The following ARHGAP8 variants were observed in gnomAD, a reference collection of about 807,000 sequenced individuals.
ARHGAP8 encodes rho GTPase-activating protein 8.
Under a neutral mutation model 46.1 loss-of-function variants are expected in ARHGAP8, and 62 were observed. The ratio of observed to expected loss-of-function variants is 1.34; its 90% confidence interval spans 1.10 to 1.66. ARHGAP8 has a LOEUF of 1.66. Among genes scored for constraint, ARHGAP8 ranks in the 40% most tolerant of loss-of-function variants. The pLI, the probability that ARHGAP8 is intolerant of heterozygous loss-of-function variation, is 0.00. For synonymous variants in ARHGAP8, 375 were observed against 243.1 expected (o/e 1.54, Z -5.05); for missense variants, 923 against 568.4 (o/e 1.62, Z -6.34).
In ARHGAP8 at chr22:44,822,363, T is replaced by A. The variant is rs1249215577; in HGVS notation, c.387-8T>A. 1 of 1,580,512 alleles carries A rather than the reference T, an allele frequency of 6.3e-7. No homozygotes were observed. The highest frequency in any genetic ancestry group is 1.9e-5 in the Admixed American group (1 of 52,802). ...TCGTTCTTTATTCTCTTGCTTCTGC[T>A]TTCTTAGTCACAAGTTTGGGAAGAA... On this transcript the variant is annotated splice_polypyrimidine_tract_variant and splice_region_variant and intron_variant, in intron 5 of 11. Coordinates refer to ENST00000356099, the MANE Select transcript of ARHGAP8 (RefSeq NM_181335.3).
chr22:44,776,584 C>T (rs1926439221), intron 1 of ARHGAP8, among the ~76,000 whole-genome samples: 2 of 152,114 alleles, frequency 1.3e-5, no homozygotes, highest in African/African-American at 4.8e-5. Context: ...TCATAAAACG[C>T]TGTCTTCTTA....
chr22:44,841,614 G>C (rs1195091933), intron 7 of ARHGAP8, among the ~76,000 whole-genome samples: 1 of 152,206 alleles, frequency 6.6e-6, no homozygotes, highest in African/African-American at 2.4e-5. Flanking sequence ...CAGTCTCACT[G>C]GGCTGCAACA....
At chr22:44,806,483 G>T (rs1928928295) in intron 3 of ARHGAP8, among the ~76,000 whole-genome samples, 1 of 152,182 alleles carries the variant, frequency 6.6e-6, no homozygotes, top group African/African-American at 2.4e-5. Context: ...AGGCCACTTG[G>T]TTCAAAGCCC....
At chr22:44,817,639 A>C (rs879573837) in intron 5 of ARHGAP8, among the ~76,000 whole-genome samples, 1 of 152,126 alleles carries the variant, frequency 6.6e-6, no homozygotes, top group Non-Finnish European at 1.5e-5. Flanking sequence ...CCCCGTCTCT[A>C]CTAAAAACAC....
At chr22:44,855,733 G>A (rs2070203911) in intron 10 of ARHGAP8, among the ~76,000 whole-genome samples, 1 of 152,132 alleles carries the variant, frequency 6.6e-6, no homozygotes, top group East Asian at 1.9e-4. Flanking sequence ...AGTCCCCCAG[G>A]ATCCAAAGTT....
intron 7 of ARHGAP8, among the ~76,000 whole-genome samples, chr22:44,839,103 T>C (rs1931479546): frequency 6.6e-6 from 1 of 152,020 alleles, no homozygotes; most frequent in Admixed American, 6.5e-5. Flanking sequence ...CCTGTAACTT[T>C]GGCACATCCT....
At chr22:44,848,160 C>G (rs901336912) in intron 9 of ARHGAP8, 110 bp downstream of exon 9, 1 of 1,448,296 alleles carries the variant, frequency 6.9e-7, no homozygotes. Context: ...CCACCCAACT[C>G]CCAGAAAACA....
rs118069204 is a variant in ARHGAP8, at chr22:44,856,137, C to T, written c.878-3594C>T. ...AATCTGTCCCCATGATTTAATCACC[C>T]GTCACCCATCCCCACCTCCCACATT... is the stretch of plus-strand genomic sequence containing the variant. On this transcript the variant is annotated intron_variant, in intron 10 of 11. Coordinates refer to ENST00000356099, the MANE Select transcript of ARHGAP8 (RefSeq NM_181335.3). Among the ~76,000 whole-genome samples the T allele has an allele frequency of 3.5e-3, 537 of 152,176 alleles. 3 individuals carry two copies. Among genetic ancestry groups the T allele is most frequent in the Non-Finnish European group, 3.9e-3 (268 of 68,016 alleles).
intron 1 of ARHGAP8, among the ~76,000 whole-genome samples, chr22:44,769,876 G>C (rs1461826750): frequency 1.3e-5 from 2 of 152,186 alleles, no homozygotes; most frequent in Non-Finnish European, 2.9e-5. Flanking sequence ...TCAGAGGCTA[G>C]GGTTTCTCAA....
intron 5 of ARHGAP8, among the ~76,000 whole-genome samples, chr22:44,821,639 C>G (rs778730596): frequency 8.5e-5 from 13 of 152,322 alleles, no homozygotes; most frequent in Middle Eastern, 6.8e-3. Flanking sequence ...TTACTAATAG[C>G]AGTCGTCACA....
At position 44,813,334 on chromosome 22, in the gene ARHGAP8, C is replaced by A. The variant is rs537254101; in HGVS notation, c.300-1338C>A. On this transcript the variant is annotated intron_variant, in intron 4 of 11. Coordinates refer to ENST00000356099, the MANE Select transcript of ARHGAP8 (RefSeq NM_181335.3). ...ACACCTGCATACACATACATACAGA[C>A]ACCTACATATACATACACTTACACA... is the stretch of plus-strand genomic sequence containing the variant. Among the ~76,000 whole-genome samples, 3 of 151,588 alleles carry A rather than the reference C, an allele frequency of 2.0e-5. No individual in the cohort carries two copies. In the South Asian group the frequency reaches 6.3e-4, roughly 32 times the overall value.
At chr22:44,828,908 C>T (rs904145738) in intron 7 of ARHGAP8, among the ~76,000 whole-genome samples, 1 of 151,950 alleles carries the variant, frequency 6.6e-6, no homozygotes, top group Non-Finnish European at 1.5e-5. Flanking sequence ...ATTCCAGCCA[C>T]GCCTTTCTCG....
rs1428277728 is a variant in ARHGAP8 at position 44,799,029 on chromosome 22, GGGGCTGCACCCTGCTC to G, written c.80-3047_80-3032del. 2.0e-5 allele frequency among the ~76,000 whole-genome samples: 3 copies of G among 152,204 alleles called. No homozygotes were observed. The East Asian group carries it at 5.8e-4, about 29-fold the overall frequency. The stretch of plus-strand genomic sequence containing the variant: ...GAGGGAGCAGAAAGTGCTGGGAGGA[GGGGCTGCACCCTGCTC>G]CAGGCTTCCCATCCCCAGCCCCCAC... On this transcript the variant is annotated intron_variant, in intron 2 of 11. Transcript: ENST00000356099.
intron 1 of ARHGAP8, among the ~76,000 whole-genome samples, chr22:44,769,465 G>C (rs979048548): frequency 2.0e-5 from 3 of 152,096 alleles, no homozygotes; most frequent in Non-Finnish European, 4.4e-5. Flanking sequence ...ATAAATTTTG[G>C]AATCAGTTTA....
At chr22:44,819,383 T>C (rs980978489) in intron 5 of ARHGAP8, among the ~76,000 whole-genome samples, 1 of 152,216 alleles carries the variant, frequency 6.6e-6, no homozygotes, top group Non-Finnish European at 1.5e-5. Context: ...TAAAATGTTT[T>C]TAAGTTGGCT....
At chr22:44,854,205 C>T (rs2070166163) in intron 10 of ARHGAP8, among the ~76,000 whole-genome samples, 1 of 150,758 alleles carries the variant, frequency 6.6e-6, no homozygotes, top group East Asian at 1.9e-4. Flanking sequence ...CTGAATAAGG[C>T]TAGTTGTCAT....
At chr22:44,802,818 C>G (rs964848028) in intron 3 of ARHGAP8, among the ~76,000 whole-genome samples, 6 of 152,132 alleles carry the variant, frequency 3.9e-5, no homozygotes, top group South Asian at 4.1e-4. Flanking sequence ...CTGTGTCTTC[C>G]CATCTCATAA....
In ARHGAP8 at chr22:44,849,085, G is replaced by A. The variant is rs992299691; in HGVS notation, c.877+25G>A. The A allele has an allele frequency of 3.7e-6, 6 of 1,612,690 alleles. No homozygotes were observed. In the African/African-American group the frequency reaches 5.3e-5, roughly 14 times the overall value. On this transcript the variant is annotated intron_variant, in intron 10 of 11. Coordinates refer to ENST00000356099, the MANE Select transcript of ARHGAP8 (RefSeq NM_181335.3). ...TGTGCGTAGCTGCCCTGGCGCAGGGGTGGGGGGCTTGGTCCTCAGATGCTG... is the reference window on the plus strand; with the variant it reads ...TGTGCGTAGCTGCCCTGGCGCAGGGATGGGGGGCTTGGTCCTCAGATGCTG...
chr22:44,819,831 C>T (rs567290491), intron 5 of ARHGAP8, among the ~76,000 whole-genome samples: 4 of 152,308 alleles, frequency 2.6e-5, no homozygotes, highest in Middle Eastern at 3.4e-3. Context: ...AGAGAGGTTA[C>T]GCCCAAGTCG....
Sources: gnomAD v4.1 joint callset for allele counts (sites outside exome capture counted in the v4.1 genomes callset) on GRCh38, gnomAD v4.1.1 for gene constraint, MANE v1.5 for transcripts, NCBI Gene and HGNC (gene_info 2026-07-23, HGNC 2026-07-21) for gene names.